The following ADAM22 variants were observed in gnomAD, a reference collection of about 807,000 sequenced individuals.
ADAM22 encodes the protein disintegrin and metalloproteinase domain-containing protein 22.
In ADAM22, 65 loss-of-function variants were observed where a neutral mutation model predicts 144.6. The observed-to-expected ratio is 0.45, with a 90% CI of 0.37 to 0.55. ADAM22 has a LOEUF of 0.55. Ranked by LOEUF, ADAM22 falls within the 20% of genes least tolerant of loss-of-function variation. The pLI, the probability that ADAM22 is intolerant of heterozygous loss-of-function variation, is 0.00. For synonymous variants in ADAM22, 391 were observed against 412.6 expected, an observed-to-expected ratio of 0.95 and a Z score of 0.63; for missense variants, 974 against 1,184.9, an observed-to-expected ratio of 0.82 and a Z score of 2.61.
intron 2 of ADAM22, among the ~76,000 whole-genome samples, chr7:87,967,807 C>CAAAAA (rs35787636): frequency 0.063 from 3,836 of 60,782 alleles, 626 homozygotes; most frequent in East Asian, 0.26. Flanking sequence ...GACTCTGTCT[C>CAAAAA]AAAAAAAAAA....
intron 14 of ADAM22, among the ~76,000 whole-genome samples, chr7:88,141,953 T>G (rs1834812678): frequency 6.6e-6 from 1 of 152,200 alleles, no homozygotes; most frequent in South Asian, 2.1e-4. Context: ...GTGTGCTCTT[T>G]TTGAAGATTC....
intron 29 of ADAM22, 174 bp downstream of exon 29, chr7:88,182,198 G>A: frequency 1.7e-6 from 1 of 588,632 alleles, no homozygotes; most frequent in Non-Finnish European, 2.9e-6. Flanking sequence ...TCTTACATAG[G>A]CATCTCCACA....
Position 87,934,307 on chromosome 7 carries a change from C to A in ADAM22, c.-159C>A. ...CCGCGAAGCACAATGCAGCACTGAG[C>A]CGCGGTGGAGGTTGCAGCGCCACGG... On this transcript the variant is annotated 5_prime_UTR_variant, in exon 1 of 32. Coordinates refer to ENST00000413139, the MANE Select transcript of ADAM22 (RefSeq NM_001324418.2). The A allele has an allele frequency of 1.6e-6, 1 of 612,112 alleles. No individual in the cohort carries two copies. The highest frequency in any genetic ancestry group is 4.5e-4 in the Middle Eastern group (1 of 2,224). 37.9% of individuals were successfully genotyped at this position (612,112 alleles called of 1,614,324 possible).
intron 3 of ADAM22, among the ~76,000 whole-genome samples, chr7:88,029,471 C>G (rs1799747255): frequency 6.6e-6 from 1 of 152,028 alleles, no homozygotes; most frequent in Non-Finnish European, 1.5e-5. Flanking sequence ...ATCAGTTCAT[C>G]TTTTTGTCTT....
At chr7:88,118,015 C>T (rs943005215) in intron 7 of ADAM22, among the ~76,000 whole-genome samples, 8 of 152,036 alleles carry the variant, frequency 5.3e-5, no homozygotes, top group African/African-American at 9.7e-5. Flanking sequence ...TTTTTAATCT[C>T]GTTTTAATCT....
intron 7 of ADAM22, among the ~76,000 whole-genome samples, chr7:88,123,607 G>A (rs2129494226): frequency 6.6e-6 from 1 of 151,622 alleles, no homozygotes; most frequent in East Asian, 1.9e-4. Context: ...ATTGATTTTT[G>A]TGTTTAAGTT....
chr7:87,964,721 A>G (rs1163024345), intron 2 of ADAM22: 3 of 367,274 alleles, frequency 8.2e-6, no homozygotes, highest in Non-Finnish European at 1.6e-5. Context: ...TTCATTTTGG[A>G]TGTTAGTATT....
chr7:88,116,757 T>C lies in ADAM22; in HGVS notation c.550T>C (p.Phe184Leu). ...ENDTTQEDFHFHSVYKSRLFE... is the reference protein window; with the variant it reads ...ENDTTQEDFHLHSVYKSRLFE... The stretch of plus-strand genomic sequence containing the variant: ...TGTGTCATTTCAGGAGGATTTCCAT[T>C]TTCATTCAGTTTACAAATCCAGACT... The change falls in exon 7 of 32, where the codon TTT (phenylalanine) becomes CTT (leucine). Residue 184 changes from phenylalanine (F) to leucine (L), a missense_variant. By Grantham distance (22) the Phe-to-Leu change is conservative (BLOSUM62 0). Around this residue, in one of 2 missense-constraint regions of ADAM22, gnomAD observed 734 missense variants for 950.6 expected, o/e 0.77. Transcript: ENST00000413139. 1.2e-6 allele frequency: 2 copies of C among 1,613,400 alleles called. No homozygotes were observed. Among genetic ancestry groups the C allele is most frequent in the Non-Finnish European group, 1.7e-6 (2 of 1,179,482 alleles).
chr7:88,037,102 A>T (rs1801696435), intron 3 of ADAM22, among the ~76,000 whole-genome samples: 1 of 152,250 alleles, frequency 6.6e-6, no homozygotes, highest in South Asian at 2.1e-4. Context: ...TGAACTCTAT[A>T]AATGATGCTA....
rs1222974628 is a variant in ADAM22, at chr7:88,108,196, C to T, written c.411C>T (p.Tyr137=). The T allele has an allele frequency of 1.9e-6, 3 of 1,613,662 alleles. No homozygotes were observed. The highest frequency in any genetic ancestry group is 1.7e-5 in the Admixed American group (1 of 59,954). Residue 137 remains tyrosine (Y), a synonymous_variant, in exon 5 of 32, where the codon TAC becomes TAT. Transcript: ENST00000413139. ...VEVKGGEHCY[Y]QGHIRGNPDS... ...TTCAGGGAGGAGAGCACTGTTACTA[C>T]CAGGGCCATATCCGAGGAAACCCTG...
intron 30 of ADAM22, among the ~76,000 whole-genome samples, chr7:88,190,692 A>G (rs1040079485): frequency 6.6e-6 from 1 of 152,178 alleles, no homozygotes; most frequent in Non-Finnish European, 1.5e-5. Context: ...GTCAGAAAAG[A>G]GCCTGGAGAT....
intron 3 of ADAM22, among the ~76,000 whole-genome samples, chr7:88,044,493 C>T (rs138909917): frequency 5.1e-4 from 77 of 152,308 alleles, no homozygotes; most frequent in African/African-American, 1.8e-3. Context: ...GTCTCCCAGG[C>T]TGGAGTGCAG....
chr7:88,113,687 T>TTATAA (rs1563244998), intron 5 of ADAM22, among the ~76,000 whole-genome samples: 2 of 69,042 alleles, frequency 2.9e-5, no homozygotes, highest in Non-Finnish European at 4.9e-5. Context: ...ATATATATAT[T>TTATAA]ATAAATAAAT....
Position 88,136,045 on chromosome 7 carries a change from A to T in ADAM22, c.1220+14A>T. ...GGGAGACACTGGGTGAGCCACTTGT[A>T]TTTGAAAATAACTCAGTCTTACATT... On this transcript the variant is annotated intron_variant, in intron 14 of 31. Transcript: ENST00000413139. The T allele has an allele frequency of 6.2e-7, 1 of 1,610,670 alleles. No homozygotes were observed. Among genetic ancestry groups the T allele is most frequent in the Non-Finnish European group, 8.5e-7 (1 of 1,178,086 alleles).
At chr7:88,033,776 T>C (rs1180804379) in intron 3 of ADAM22, among the ~76,000 whole-genome samples, 2 of 152,120 alleles carry the variant, frequency 1.3e-5, no homozygotes, top group Non-Finnish European at 1.5e-5. Context: ...CAAAATCCTT[T>C]CTACTCTTGC....
intron 14 of ADAM22, among the ~76,000 whole-genome samples, chr7:88,142,766 A>C (rs1835130857): frequency 6.6e-6 from 1 of 151,352 alleles, no homozygotes; most frequent in Non-Finnish European, 1.5e-5. Flanking sequence ...TGAACCCGGG[A>C]GGTGGAGCTT....
At chr7:88,152,354 G>T (rs997682152) in intron 20 of ADAM22, among the ~76,000 whole-genome samples, 1 of 152,040 alleles carries the variant, frequency 6.6e-6, no homozygotes, top group African/African-American at 2.4e-5. Flanking sequence ...TTTTAGAAAA[G>T]ATAAAAGCCT....
intron 4 of ADAM22, among the ~76,000 whole-genome samples, chr7:88,081,746 A>G (rs1816725611): frequency 7.2e-6 from 1 of 138,956 alleles, no homozygotes; most frequent in Admixed American, 7.7e-5. Flanking sequence ...AATTGCTTCA[A>G]AGAGAATAAA....
chr7:88,117,567 T>C (rs560241672), intron 7 of ADAM22, among the ~76,000 whole-genome samples: 9 of 152,320 alleles, frequency 5.9e-5, no homozygotes, highest in African/African-American at 2.2e-4. Flanking sequence ...AGCGTTTGTC[T>C]TTGGCTGTGC....
Sources: gnomAD v4.1 joint callset for allele counts (sites outside exome capture counted in the v4.1 genomes callset) on GRCh38, gnomAD v4.1.1 for gene constraint, gnomAD v4.1.1 regional missense constraint, MANE v1.5 for transcripts, NCBI Gene and HGNC (gene_info 2026-07-23, HGNC 2026-07-21) for gene names.